ADGRG4: variants seen among roughly 807,000 people sequenced by gnomAD.
ADGRG4 encodes G protein-coupled receptor 112.
Under a neutral mutation model 126.2 loss-of-function variants are expected in ADGRG4, and 122 were observed. That is an observed-to-expected ratio of 0.97 (90% confidence interval 0.83 to 1.12). The LOEUF (loss-of-function observed/expected upper bound fraction) is 1.12, where lower values mean the gene tolerates loss of function less well. Among genes scored for constraint, ADGRG4 ranks in the 50% most tolerant of loss-of-function variants. The pLI, the probability that ADGRG4 is intolerant of heterozygous loss-of-function variation, is 0.00. For missense variants in ADGRG4, 2,481 were observed against 2,251.8 expected, an observed-to-expected ratio of 1.10 and a Z score of -2.06; for synonymous variants, 943 against 838.7, an observed-to-expected ratio of 1.12 and a Z score of -2.15.
rs767263549 is a variant in ADGRG4, at chrX:136,345,628, C to G, written c.1922C>G (p.Thr641Arg). The G allele has an allele frequency of 9.9e-6, 12 of 1,209,116 alleles. No homozygotes were observed. The Middle Eastern group carries it at 9.2e-4, about 92-fold the overall frequency. Residue 641 changes from threonine to arginine, a missense_variant, in exon 6 of 26, where the codon ACA (threonine) becomes AGA (arginine). By Grantham distance (71) the Thr-to-Arg change is moderately conservative. Coordinates refer to ENST00000394143, the MANE Select transcript of ADGRG4 (RefSeq NM_153834.4). ...GCACCTGAGTCAGGTCCCACATCCA[C>G]AACTGATGAAGCTGCCCATCTGTTC... ...SKAPESGPTS[T>R]TDEAAHLFSS...
chrX:136,406,605 A>C (rs1247287344), intron 23 of ADGRG4, among the ~76,000 whole-genome samples: 2 of 112,377 alleles, frequency 1.8e-5, no homozygotes, highest in Non-Finnish European at 3.8e-5. Context: ...TGGTAGACAA[A>C]AGATGGCATG....
chrX:136,364,932 G>A (rs1266856953), intron 13 of ADGRG4, among the ~76,000 whole-genome samples: 1 of 111,660 alleles, frequency 9.0e-6, no homozygotes, highest in African/African-American at 3.3e-5. Context: ...GAATTTCTGG[G>A]TCAATCATAC....
chrX:136,306,322 G>A (rs1220592936), intron 3 of ADGRG4, among the ~76,000 whole-genome samples: 4 of 110,790 alleles, frequency 3.6e-5, no homozygotes, highest in African/African-American at 1.3e-4. Flanking sequence ...ATTGTGTGAG[G>A]TATAAAATTC....
intron 25 of ADGRG4, 124 bp from the exon 26 acceptor site, chrX:136,416,330 T>C (rs2075475263): frequency 2.0e-6 from 1 of 501,266 alleles, no homozygotes; most frequent in Non-Finnish European, 3.4e-6. Context: ...GAAAGCACCA[T>C]ATCCTTCCCT....
chrX:136,346,072 T>C lies in ADGRG4; in HGVS notation c.2366T>C (p.Ile789Thr), dbSNP rs780274644. Residue 789 changes from isoleucine (I) to threonine (T), a missense_variant, in exon 6 of 26, where the codon ATA (isoleucine) becomes ACA (threonine). By Grantham distance (89) the Ile-to-Thr change is moderately conservative. Transcript: ENST00000394143. Reference sequence around the variant, plus strand: ...ACTGTTGTTCCATCAGTAGATATAATATCTACTCTTGCTTGCATTCAACCA... The same window carrying C: ...ACTGTTGTTCCATCAGTAGATATAACATCTACTCTTGCTTGCATTCAACCA... The part of the protein sequence containing the change: ...RETVVPSVDI[I>T]STLACIQPNF... 1.7e-6 allele frequency: 2 copies of C among 1,209,328 alleles called. No homozygotes were observed. Among genetic ancestry groups the C allele is most frequent in the South Asian group, 3.5e-5 (2 of 56,427 alleles).
chrX:136,332,598 T>C (rs1423100361), intron 5 of ADGRG4, among the ~76,000 whole-genome samples: 1 of 111,244 alleles, frequency 9.0e-6, no homozygotes, highest in Non-Finnish European at 1.9e-5. Context: ...TCCACAATGG[T>C]TGCACTAGTT....
intron 5 of ADGRG4, among the ~76,000 whole-genome samples, chrX:136,324,643 C>A (rs1442310022): frequency 8.9e-6 from 1 of 111,961 alleles, no homozygotes; most frequent in Non-Finnish European, 1.9e-5. Flanking sequence ...GGGTTACAAT[C>A]TGCTACTATC....
intron 5 of ADGRG4, among the ~76,000 whole-genome samples, 185 bp downstream of exon 5, chrX:136,323,577 A>AAC (rs138686053): frequency 0.36 from 33,274 of 93,671 alleles, 5,000 homozygotes; most frequent in African/African-American, 0.44. Context: ...AGGATAGAAG[A>AAC]ACACACACAC....
At position 136,371,455 on chromosome X, in the gene ADGRG4, G is replaced by A. The variant is rs1406176580; in HGVS notation, c.7524G>A (p.Met2508Ile). 8.4e-7 allele frequency: 1 copy of A among 1,191,243 alleles called. No individual in the cohort carries two copies. Among genetic ancestry groups the A allele is most frequent in the East Asian group, 3.0e-5 (1 of 33,673 alleles). The change falls in exon 14 of 26, where the codon ATG becomes ATA. Residue 2508 changes from methionine to isoleucine, a missense_variant. Transcript: ENST00000394143. ...TTTCACAATGTGATGAGATAAGTAT[G>A]AACCTAACTCATGTTATGTTACAAA... ...SDISQCDEIS[M>I]NLTHVMLQII...
chrX:136,392,614 T>G (rs1158758111), intron 17 of ADGRG4, among the ~76,000 whole-genome samples: 2 of 112,168 alleles, frequency 1.8e-5, no homozygotes, highest in African/African-American at 6.5e-5. Context: ...CCCATCACAC[T>G]AAATGACATG....
At position 136,377,167 on chromosome X, in the gene ADGRG4, C is replaced by CTTTTTTTTTTTTTTTTTTTTTT. The variant is rs1184343263; in HGVS notation, c.7776+4106_7776+4127dup. On this transcript the variant is annotated intron_variant, in intron 15 of 25. Transcript: ENST00000394143. ...GTTTTTCACTTTCTTGTTTTCTTTC[C>CTTTTTTTTTTTTTTTTTTTTTT]TTTTTTTTTTTTTTTTTTTTTTTTG... 3.9e-3 allele frequency among the ~76,000 whole-genome samples: 192 copies of CTTTTTTTTTTTTTTTTTTTTTT among 48,610 alleles called. 1 individual carries two copies. The highest frequency in any genetic ancestry group is 8.7e-3 in the African/African-American group (85 of 9,770). The allele number at this position is 48,610 out of a possible 115,157, so 42.2% of individuals were successfully genotyped here.
At chrX:136,372,006 A>G (rs904500191) in intron 14 of ADGRG4, among the ~76,000 whole-genome samples, 3 of 111,676 alleles carry the variant, frequency 2.7e-5, no homozygotes, top group African/African-American at 9.8e-5. Flanking sequence ...CTCAGTTAGT[A>G]CAATGCAATG....
chrX:136,407,019 T>C (rs766475026), intron 23 of ADGRG4, among the ~76,000 whole-genome samples: 1 of 111,596 alleles, frequency 9.0e-6, no homozygotes, highest in South Asian at 3.7e-4. Flanking sequence ...GGAAGAGGCA[T>C]GCAAAATGAT....
Position 136,359,419 on chromosome X carries a change from T to C in ADGRG4, c.7108T>C (p.Leu2370=). ...GNFTQDQLTL[L]VNCEHVAVKK... ...CTTCACACAAGATCAATTGACGTTATTAGTAAACTGTGAACACGTTGCAGT... is the reference window on the plus strand; with the variant it reads ...CTTCACACAAGATCAATTGACGTTACTAGTAAACTGTGAACACGTTGCAGT... Residue 2370 remains leucine, a synonymous_variant, in exon 11 of 26, where the codon TTA becomes CTA. Coordinates refer to ENST00000394143, the MANE Select transcript of ADGRG4 (RefSeq NM_153834.4). 1 of 1,207,810 alleles carries C rather than the reference T, an allele frequency of 8.3e-7. No homozygotes were observed. Among genetic ancestry groups the C allele is most frequent in the Non-Finnish European group, 1.1e-6 (1 of 893,727 alleles).
At chrX:136,357,446 A>T (rs894434131) in intron 9 of ADGRG4, among the ~76,000 whole-genome samples, 2 of 112,206 alleles carry the variant, frequency 1.8e-5, no homozygotes, top group Non-Finnish European at 3.8e-5. Context: ...CAACTGTGTG[A>T]TACTGGGCAG....
chrX:136,367,475 T>C (rs778102255), intron 13 of ADGRG4, among the ~76,000 whole-genome samples: 115 of 112,338 alleles, frequency 1.0e-3, no homozygotes, highest in Non-Finnish European at 3.9e-4. Flanking sequence ...GAATTTTCTC[T>C]TGTGCAAGAA....
chrX:136,407,308 T>A (rs900222703), intron 23 of ADGRG4, among the ~76,000 whole-genome samples: 7 of 105,806 alleles, frequency 6.6e-5, no homozygotes, highest in African/African-American at 2.4e-4. Context: ...AATAGCACTG[T>A]ATACATTAGC....
chrX:136,359,949 G>T (rs1383762974), intron 11 of ADGRG4, among the ~76,000 whole-genome samples: 1 of 111,712 alleles, frequency 9.0e-6, no homozygotes, highest in Non-Finnish European at 1.9e-5. Context: ...CCTTCCCAGT[G>T]CAGCTTTGTT....
chrX:136,372,875 C>T, intron 14 of ADGRG4, 27 bp from the exon 15 acceptor site: 8 of 1,203,648 alleles, frequency 6.6e-6, no homozygotes, highest in East Asian at 3.0e-5. Flanking sequence ...AGGTAGGATG[C>T]TCTTCTCCAT....
Sources: gnomAD v4.1 joint callset for allele counts (sites outside exome capture counted in the v4.1 genomes callset) on GRCh38, gnomAD v4.1.1 for gene constraint, MANE v1.5 for transcripts, NCBI Gene and HGNC (gene_info 2026-07-23, HGNC 2026-07-21) for gene names.